Variants in HPSE2 observed in about 807,000 individuals in gnomAD.
HPSE2 encodes the protein inactive heparanase-2.
Under a neutral mutation model 60.5 loss-of-function variants are expected in HPSE2, and 38 were observed. That is an observed-to-expected ratio of 0.63 (90% CI 0.48 to 0.82). The LOEUF is 0.82. Ranked by LOEUF, HPSE2 falls within the 40% of genes least tolerant of loss-of-function variation. The pLI, the probability that HPSE2 is intolerant of heterozygous loss-of-function variation, is 0.00. For missense variants in HPSE2, 713 were observed against 740.4 expected (o/e 0.96, Z 0.43); for synonymous variants, 295 against 293.2 (o/e 1.01, Z -0.06).
chr10:98,776,898 T>C (rs1274509542), intron 3 of HPSE2, among the ~76,000 whole-genome samples: 1 of 152,188 alleles, frequency 6.6e-6, no homozygotes, highest in Non-Finnish European at 1.5e-5. Flanking sequence ...AGATGCATGC[T>C]AAGGGCTAAA....
intron 6 of HPSE2, among the ~76,000 whole-genome samples, chr10:98,676,754 A>G (rs1947653313): frequency 2.0e-5 from 3 of 152,130 alleles, no homozygotes; most frequent in South Asian, 4.1e-4. Context: ...GCTTAGGTCC[A>G]AGGGAGTTAG....
chr10:99,268,506 TGTG>T, the HPSE2 span, among the ~76,000 whole-genome samples: 3 of 150,702 alleles, frequency 2.0e-5, no homozygotes, highest in Non-Finnish European at 4.4e-5. Flanking sequence ...ATTAGCCGGG[TGTG>T]GTGGTGTGCA....
chr10:99,288,527 G>A, the HPSE2 span, among the ~76,000 whole-genome samples: 2 of 152,130 alleles, frequency 1.3e-5, no homozygotes, highest in African/African-American at 2.4e-5. Context: ...ACATATAACT[G>A]ATGAAAAGTT....
intron 10 of HPSE2, among the ~76,000 whole-genome samples, chr10:98,484,607 C>T (rs1941373013): frequency 6.6e-6 from 1 of 152,164 alleles, no homozygotes; most frequent in Non-Finnish European, 1.5e-5. Flanking sequence ...TGCAAAATTT[C>T]CCCCAGTTTT....
intron 3 of HPSE2, among the ~76,000 whole-genome samples, chr10:98,781,901 GT>G (rs1397272301): frequency 1.3e-5 from 2 of 148,640 alleles, no homozygotes; most frequent in Admixed American, 1.3e-4. Flanking sequence ...GATGTTTTTT[GT>G]TGAAATATTT....
intron 3 of HPSE2, among the ~76,000 whole-genome samples, chr10:98,939,552 C>G (rs577758118): frequency 7.0e-6 from 1 of 143,516 alleles, no homozygotes; most frequent in East Asian, 2.0e-4. Context: ...TATATATGCA[C>G]CCAATACAGG....
intron 10 of HPSE2, among the ~76,000 whole-genome samples, chr10:98,488,388 C>A (rs542385830): frequency 6.6e-6 from 1 of 152,140 alleles, no homozygotes; most frequent in Non-Finnish European, 1.5e-5. Context: ...TCATGCCAGT[C>A]ACTATATTAG....
At chr10:99,072,554 C>G (rs921991232) in intron 3 of HPSE2, among the ~76,000 whole-genome samples, 12 of 152,088 alleles carry the variant, frequency 7.9e-5, no homozygotes, top group African/African-American at 2.7e-4. Context: ...TGAAAAAAAG[C>G]TCAACATCAC....
intron 9 of HPSE2, among the ~76,000 whole-genome samples, chr10:98,569,013 A>G (rs1944423548): frequency 6.6e-6 from 1 of 152,150 alleles, no homozygotes; most frequent in Non-Finnish European, 1.5e-5. Flanking sequence ...TTAAAAGTGT[A>G]AATTTTATGG....
intron 5 of HPSE2, among the ~76,000 whole-genome samples, chr10:98,712,262 T>C (rs1174416343): frequency 2.7e-5 from 4 of 150,032 alleles, no homozygotes; most frequent in East Asian, 2.0e-4. Context: ...ATTTTTGTTG[T>C]TGTTGTTAAA....
chr10:98,945,615 A>G (rs1955157654), intron 3 of HPSE2, among the ~76,000 whole-genome samples: 1 of 152,196 alleles, frequency 6.6e-6, no homozygotes, highest in South Asian at 2.1e-4. Flanking sequence ...AGAAAGTGAG[A>G]GGTAGACACA....
At chr10:98,991,938 T>G (rs1956535276) in intron 3 of HPSE2, among the ~76,000 whole-genome samples, 1 of 152,182 alleles carries the variant, frequency 6.6e-6, no homozygotes, top group African/African-American at 2.4e-5. Context: ...TCCCTGACCA[T>G]TCTAGGTTTC....
chr10:99,230,908 A>G (rs1477290492), intron 2 of HPSE2, among the ~76,000 whole-genome samples: 1 of 152,196 alleles, frequency 6.6e-6, no homozygotes, highest in East Asian at 1.9e-4. Context: ...TGGGAGCTAT[A>G]AGGTTCTGGG....
chr10:99,253,835 G>T, the HPSE2 span, among the ~76,000 whole-genome samples: 1 of 151,812 alleles, frequency 6.6e-6, no homozygotes, highest in Non-Finnish European at 1.5e-5. Context: ...AGATATACAG[G>T]CAGCCAACAA....
chr10:99,132,069 GCCATTGCA>G (rs1845406442), intron 3 of HPSE2, among the ~76,000 whole-genome samples: 1 of 150,810 alleles, frequency 6.6e-6, no homozygotes, highest in East Asian at 1.9e-4. Flanking sequence ...CCAAGATTGT[GCCATTGCA>G]CTCCAGCCTG....
At chr10:99,164,305 T>A (rs1846978839) in intron 2 of HPSE2, among the ~76,000 whole-genome samples, 1 of 134,014 alleles carries the variant, frequency 7.5e-6, no homozygotes, top group Non-Finnish European at 1.6e-5. Flanking sequence ...GTTATTTTAT[T>A]AAGCCACATT....
At chr10:98,488,411 C>T (rs570699068) in intron 10 of HPSE2, among the ~76,000 whole-genome samples, 1 of 152,102 alleles carries the variant, frequency 6.6e-6, no homozygotes, top group Admixed American at 6.5e-5. Context: ...ACCAAGAATA[C>T]AAAAATGAAT....
At chr10:98,727,766 G>T (rs1949126415) in intron 4 of HPSE2, among the ~76,000 whole-genome samples, 1 of 151,576 alleles carries the variant, frequency 6.6e-6, no homozygotes, top group Non-Finnish European at 1.5e-5. Context: ...TAAAGAAAAA[G>T]AAATTATAAA....
At chr10:98,646,409 C>A (rs955949648) in intron 6 of HPSE2, among the ~76,000 whole-genome samples, 12 of 151,508 alleles carry the variant, frequency 7.9e-5, no homozygotes, top group African/African-American at 2.7e-4. Context: ...ATCCTCCAAG[C>A]TCTCTTGAAA....
Sources: allele counts gnomAD v4.1 joint callset (sites outside exome capture counted in the v4.1 genomes callset), GRCh38; gene constraint gnomAD v4.1.1; transcripts MANE v1.5; gene names NCBI Gene and HGNC (gene_info 2026-07-23, HGNC 2026-07-21).